GPATCH2: variants seen among roughly 807,000 people sequenced by gnomAD.
The protein encoded by GPATCH2 is G patch domain-containing protein 2.
In GPATCH2, 51 loss-of-function variants were observed where a neutral mutation model predicts 58.0. That is an observed-to-expected ratio of 0.88 (90% CI 0.70 to 1.11). The LOEUF is 1.11. Ranked by LOEUF, GPATCH2 falls within the 50% of genes most tolerant of loss-of-function variation. The pLI, the probability that GPATCH2 is intolerant of heterozygous loss-of-function variation, is 0.00. For synonymous variants in GPATCH2, 222 were observed against 218.5 expected (o/e 1.02, Z -0.14); for missense variants, 625 against 652.2 (o/e 0.96, Z 0.45).
intron 8 of GPATCH2, among the ~76,000 whole-genome samples, chr1:217,478,574 C>T (rs1229615818): frequency 2.6e-5 from 4 of 152,018 alleles, no homozygotes; most frequent in Non-Finnish European, 5.9e-5. Context: ...GCTAAAAATA[C>T]ACAGTCAGAA....
intron 5 of GPATCH2, among the ~76,000 whole-genome samples, chr1:217,601,352 C>T (rs1033949542): frequency 5.9e-5 from 9 of 151,674 alleles, no homozygotes; most frequent in Non-Finnish European, 1.2e-4. Flanking sequence ...ATATTGCTTA[C>T]GTGTTTCAAA....
chr1:217,554,978 T>G (rs1333747912), intron 5 of GPATCH2, among the ~76,000 whole-genome samples: 2 of 152,182 alleles, frequency 1.3e-5, no homozygotes, highest in Non-Finnish European at 2.9e-5. Context: ...AGTAGGAACT[T>G]TAAAGATTTC....
chr1:217,589,510 C>T (rs1475322864), intron 5 of GPATCH2, among the ~76,000 whole-genome samples: 1 of 152,168 alleles, frequency 6.6e-6, no homozygotes, highest in South Asian at 2.1e-4. Flanking sequence ...AGAGTATAGA[C>T]ACACTGCGGT....
At chr1:217,547,463 G>A (rs1571898161) in intron 5 of GPATCH2, among the ~76,000 whole-genome samples, 1 of 152,242 alleles carries the variant, frequency 6.6e-6, no homozygotes, top group South Asian at 2.1e-4. Flanking sequence ...AGATAGTGTG[G>A]CAATTCCTCA....
At chr1:217,608,368 A>AT in intron 5 of GPATCH2, 1 of 985,194 alleles carries the variant, frequency 1.0e-6, no homozygotes, top group Non-Finnish European at 1.2e-6. Flanking sequence ...CACTAGTTCC[A>AT]TGATAAACAC....
chr1:217,497,576 G>C lies in GPATCH2; in HGVS notation c.1206+780C>G, dbSNP rs540860093. Among the ~76,000 whole-genome samples, 5 of 152,188 alleles carry C rather than the reference G, an allele frequency of 3.3e-5. No homozygotes were observed. The South Asian group carries it at 1.0e-3, about 32-fold the overall frequency. On this transcript the variant is annotated intron_variant, in intron 7 of 9. Coordinates refer to ENST00000366935, the MANE Select transcript of GPATCH2 (RefSeq NM_018040.5). ...AGCCCAAGAAATCAAACATTATAAT[G>C]TTACCAATTACCATTAAAGCACAAA...
chr1:217,579,006 T>C (rs1666934953), intron 5 of GPATCH2, among the ~76,000 whole-genome samples: 1 of 152,224 alleles, frequency 6.6e-6, no homozygotes, highest in African/African-American at 2.4e-5. Context: ...GGTAAATCCT[T>C]CATTCAGATG....
At chr1:217,558,903 T>A (rs1226994541) in intron 5 of GPATCH2, among the ~76,000 whole-genome samples, 1 of 152,164 alleles carries the variant, frequency 6.6e-6, no homozygotes, top group East Asian at 1.9e-4. Context: ...TTCTTCCAAC[T>A]ATACTTGGTA....
At chr1:217,610,054 C>T in intron 5 of GPATCH2, 2 of 1,477,642 alleles carry the variant, frequency 1.4e-6, no homozygotes, top group Non-Finnish European at 1.8e-6. Flanking sequence ...GAGGCTCTCA[C>T]TTCAATGATA....
intron 9 of GPATCH2, among the ~76,000 whole-genome samples, chr1:217,433,361 CAT>C (rs1183174400): frequency 6.3e-4 from 75 of 118,572 alleles, no homozygotes; most frequent in South Asian, 1.4e-3. Flanking sequence ...TTAAGCTGTT[CAT>C]ATATATATAT....
chr1:217,483,286 G>A (rs1212509235), intron 8 of GPATCH2, among the ~76,000 whole-genome samples: 2 of 152,074 alleles, frequency 1.3e-5, no homozygotes, highest in Non-Finnish European at 2.9e-5. Flanking sequence ...CCAGGCTCAA[G>A]CAATCCTCCT....
At chr1:217,473,082 A>G (rs996611355) in intron 8 of GPATCH2, among the ~76,000 whole-genome samples, 4 of 152,198 alleles carry the variant, frequency 2.6e-5, no homozygotes, top group African/African-American at 9.7e-5. Flanking sequence ...GCTGCTCACA[A>G]TGAATCATAA....
intron 6 of GPATCH2, among the ~76,000 whole-genome samples, chr1:217,503,622 C>T (rs1251958008): frequency 6.6e-6 from 1 of 151,942 alleles, no homozygotes; most frequent in Admixed American, 6.6e-5. Flanking sequence ...CTAAAGAACA[C>T]AGGTAGTGAA....
intron 2 of GPATCH2, among the ~76,000 whole-genome samples, chr1:217,615,874 T>C (rs568589338): frequency 2.0e-5 from 3 of 152,126 alleles, no homozygotes; most frequent in Non-Finnish European, 4.4e-5. Flanking sequence ...TGATGTGCTA[T>C]TTTTTCTAGA....
chr1:217,540,055 T>C (rs1023150485), intron 5 of GPATCH2, among the ~76,000 whole-genome samples: 7 of 152,230 alleles, frequency 4.6e-5, no homozygotes, highest in African/African-American at 1.7e-4. Flanking sequence ...ATCTCAGAAC[T>C]GCATTTCTTT....
At chr1:217,465,180 A>G (rs991818286) in intron 8 of GPATCH2, among the ~76,000 whole-genome samples, 9 of 152,048 alleles carry the variant, frequency 5.9e-5, no homozygotes, top group Non-Finnish European at 1.0e-4. Context: ...TGAAAATACA[A>G]TAAAAATGGA....
chr1:217,443,232 A>C (rs1659230514), intron 9 of GPATCH2, among the ~76,000 whole-genome samples: 1 of 152,156 alleles, frequency 6.6e-6, no homozygotes, highest in Non-Finnish European at 1.5e-5. Context: ...AAGAGGTATA[A>C]AATTTAGTAG....
intron 5 of GPATCH2, chr1:217,609,958 T>C: frequency 2.3e-6 from 3 of 1,293,092 alleles, no homozygotes; most frequent in Non-Finnish European, 2.9e-6. Flanking sequence ...CCTAAATCCC[T>C]AGAAAGCCTC....
At chr1:217,513,884 G>T (rs1041695116) in intron 6 of GPATCH2, among the ~76,000 whole-genome samples, 1 of 151,632 alleles carries the variant, frequency 6.6e-6, no homozygotes, top group African/African-American at 2.4e-5. Context: ...GAATGCAGTG[G>T]AGCGATCTCG....
Sources: allele counts gnomAD v4.1 joint callset (sites outside exome capture counted in the v4.1 genomes callset), GRCh38; gene constraint gnomAD v4.1.1; transcripts MANE v1.5; gene names NCBI Gene and HGNC (gene_info 2026-07-23, HGNC 2026-07-21).